The following CDH18 variants were observed in gnomAD, a reference collection of about 807,000 sequenced individuals.
The protein encoded by CDH18 is cadherin-18.
A neutral mutation model predicts 67.9 loss-of-function variants in CDH18; 31 were observed. The ratio of observed to expected loss-of-function variants is 0.46; its 90% CI spans 0.34 to 0.62. The LOEUF is 0.62. Among genes scored for constraint, CDH18 ranks in the 20% least tolerant of loss-of-function variants. The probability of loss-of-function intolerance (pLI) is 0.01; values close to 1 mark genes in which losing one functional copy is unlikely to be tolerated. For synonymous variants in CDH18, 362 were observed against 347.2 expected (o/e 1.04, Z -0.48); for missense variants, 890 against 975.5 (o/e 0.91, Z 1.17).
At chr5:20,456,776 T>C (rs1334512338) in intron 1 of CDH18, among the ~76,000 whole-genome samples, 1 of 152,166 alleles carries the variant, frequency 6.6e-6, no homozygotes. Context: ...ATGGTGTCTC[T>C]AAAATACCAA....
intron 1 of CDH18, among the ~76,000 whole-genome samples, chr5:20,369,038 G>C (rs1367244553): frequency 6.6e-6 from 1 of 151,926 alleles, no homozygotes; most frequent in Admixed American, 6.6e-5. Context: ...ACTTAGAGTT[G>C]GAAATAAATC....
intron 11 of CDH18, among the ~76,000 whole-genome samples, chr5:19,499,089 G>A (rs1335127389): frequency 6.6e-6 from 1 of 152,198 alleles, no homozygotes; most frequent in Non-Finnish European, 1.5e-5. Context: ...CACGTTGGTT[G>A]AATGAATACA....
chr5:20,426,386 T>C lies in CDH18; in HGVS notation c.-580+149076A>G, dbSNP rs73766064. ...GATTCTTGAGAAATTATTGCAGTTT[T>C]TACTCTTTTAACCGTATTTCTGTAT... On this transcript the variant is annotated intron_variant, in intron 1 of 14. Coordinates refer to the CDH18 transcript ENST00000507958. Among the ~76,000 whole-genome samples the C allele has an allele frequency of 1.9e-3, 291 of 151,348 alleles. 25 individuals carry two copies. The highest frequency in any genetic ancestry group is 7.0e-3 in the African/African-American group (283 of 40,632).
chr5:19,599,252 G>T (rs1266407604), intron 6 of CDH18, among the ~76,000 whole-genome samples: 1 of 151,918 alleles, frequency 6.6e-6, no homozygotes, highest in African/African-American at 2.4e-5. Context: ...TAATCTAAAA[G>T]ACATGGATCA....
chr5:20,374,000 A>C (rs1743216217), intron 1 of CDH18, among the ~76,000 whole-genome samples: 1 of 152,178 alleles, frequency 6.6e-6, no homozygotes. Context: ...CATAATATTT[A>C]AGAAACAAGG....
intron 1 of CDH18, among the ~76,000 whole-genome samples, chr5:20,493,506 T>C (rs1561061422): frequency 6.7e-6 from 1 of 149,874 alleles, no homozygotes; most frequent in Non-Finnish European, 1.5e-5. Context: ...AGGAAGGGAG[T>C]CAGCTACCAT....
intron 1 of CDH18, among the ~76,000 whole-genome samples, chr5:20,548,316 T>A (rs1424812489): frequency 6.6e-6 from 1 of 151,878 alleles, no homozygotes; most frequent in African/African-American, 2.4e-5. Context: ...TTATTCAAGA[T>A]AAGTCTGCCA....
At chr5:20,134,638 T>C (rs1311889759) in intron 2 of CDH18, among the ~76,000 whole-genome samples, 1 of 152,132 alleles carries the variant, frequency 6.6e-6, no homozygotes, top group African/African-American at 2.4e-5. Context: ...CAAGATAAGA[T>C]TTGGGTGGGG....
At chr5:20,101,307 A>G (rs556419979) in intron 2 of CDH18, among the ~76,000 whole-genome samples, 1 of 152,292 alleles carries the variant, frequency 6.6e-6, no homozygotes, top group African/African-American at 2.4e-5. Flanking sequence ...TTTCATTAAA[A>G]AACAAAATTC....
chr5:20,471,540 A>T (rs1353620419), intron 1 of CDH18, among the ~76,000 whole-genome samples: 2 of 151,980 alleles, frequency 1.3e-5, no homozygotes, highest in Non-Finnish European at 2.9e-5. Context: ...GGTGGCTCAC[A>T]CCTGTAATCC....
intron 2 of CDH18, among the ~76,000 whole-genome samples, chr5:20,242,347 A>G (rs1344172328): frequency 1.3e-5 from 2 of 151,702 alleles, no homozygotes; most frequent in East Asian, 3.9e-4. Context: ...ATTATTATTT[A>G]TTACAACATC....
chr5:19,702,230 C>A (rs930526361), intron 5 of CDH18, among the ~76,000 whole-genome samples: 1 of 146,810 alleles, frequency 6.8e-6, no homozygotes, highest in Non-Finnish European at 1.5e-5. Flanking sequence ...CTCACTGCAA[C>A]CCCCGCCTCC....
chr5:19,524,896 C>A lies in CDH18; in HGVS notation c.1391-4118G>T, dbSNP rs558426867. 1.0e-3 allele frequency among the ~76,000 whole-genome samples: 153 copies of A among 152,258 alleles called. 1 individual carries two copies. The highest frequency in any genetic ancestry group is 3.6e-3 in the African/African-American group (148 of 41,536). On this transcript the variant is annotated intron_variant, in intron 9 of 12. Coordinates refer to ENST00000382275, the MANE Select transcript of CDH18 (RefSeq NM_004934.5). ...GAGTAGCTGGGACTACAGGCGCCCG[C>A]CACCACGCCCGGCTAATTTATTGTG...
At chr5:20,123,498 C>G (rs1748546447) in intron 2 of CDH18, among the ~76,000 whole-genome samples, 1 of 152,130 alleles carries the variant, frequency 6.6e-6, no homozygotes, top group Admixed American at 6.6e-5. Context: ...CTGATAACTC[C>G]CCCACATTCC....
At chr5:19,719,919 A>AAG (rs1351671322) in intron 5 of CDH18, among the ~76,000 whole-genome samples, 8 of 141,478 alleles carry the variant, frequency 5.7e-5, no homozygotes, top group African/African-American at 2.2e-4. Context: ...GAAAGAAAGA[A>AAG]AGAAAGAAAG....
intron 2 of CDH18, among the ~76,000 whole-genome samples, chr5:20,075,344 A>C (rs1743834890): frequency 6.6e-6 from 1 of 152,144 alleles, no homozygotes; most frequent in African/African-American, 2.4e-5. Context: ...CTCTACTAAA[A>C]ATACAAAAAT....
intron 5 of CDH18, among the ~76,000 whole-genome samples, chr5:19,621,955 T>A (rs574608322): frequency 1.3e-5 from 2 of 152,228 alleles, no homozygotes; most frequent in African/African-American, 4.8e-5. Flanking sequence ...ATGGAGCATA[T>A]AGAATTCTGT....
chr5:20,410,909 T>A (rs775342881), intron 1 of CDH18, among the ~76,000 whole-genome samples: 6 of 151,796 alleles, frequency 4.0e-5, no homozygotes, highest in Non-Finnish European at 8.8e-5. Context: ...GGCAAAAATC[T>A]TATCCTGAAA....
At chr5:20,206,386 T>C (rs1739890858) in intron 2 of CDH18, among the ~76,000 whole-genome samples, 1 of 151,886 alleles carries the variant, frequency 6.6e-6, no homozygotes, top group Non-Finnish European at 1.5e-5. Flanking sequence ...GTGGAATCAC[T>C]GACGAACTCT....
Sources: gnomAD v4.1 joint callset for allele counts (sites outside exome capture counted in the v4.1 genomes callset) on GRCh38, gnomAD v4.1.1 for gene constraint, MANE v1.5 for transcripts, NCBI Gene and HGNC (gene_info 2026-07-23, HGNC 2026-07-21) for gene names.